The following VRTN variants were observed in gnomAD, a reference collection of about 807,000 sequenced individuals.
VRTN encodes the protein vertnin.
Under a neutral mutation model 18.2 loss-of-function variants are expected in VRTN, and 5 were observed. That is an observed-to-expected ratio of 0.27 (90% CI 0.14 to 0.58). The LOEUF (loss-of-function observed/expected upper bound fraction) is 0.58, where lower values mean the gene tolerates loss of function less well. VRTN is among the 20% of genes least tolerant of loss of function. The probability of loss-of-function intolerance (pLI) is 0.91; values close to 1 mark genes in which losing one functional copy is unlikely to be tolerated. For synonymous variants in VRTN, 381 were observed against 393.7 expected, an observed-to-expected ratio of 0.97 and a Z score of 0.38; for missense variants, 741 against 939.4, an observed-to-expected ratio of 0.79 and a Z score of 2.76.
intron 2 of VRTN, among the ~76,000 whole-genome samples, chr14:74,338,682 G>A (rs1230241026): frequency 6.6e-6 from 1 of 152,124 alleles, no homozygotes; most frequent in African/African-American, 2.4e-5. Flanking sequence ...AGCCTCCTGA[G>A]TAGCTGGGAC....
intron 1 of VRTN, among the ~76,000 whole-genome samples, chr14:74,335,807 C>G (rs2085560094): frequency 6.8e-6 from 1 of 147,246 alleles, no homozygotes; most frequent in Admixed American, 7.0e-5. Flanking sequence ...GTGGTATGGT[C>G]TCGGCTGACT....
chr14:74,310,578 C>T (rs2085381925), intron 1 of VRTN, among the ~76,000 whole-genome samples: 1 of 146,308 alleles, frequency 6.8e-6, no homozygotes, highest in African/African-American at 2.5e-5. Flanking sequence ...TGCTCTGTCA[C>T]CCAGGCTGGA....
At chr14:74,304,826 A>T (rs1288860887) in intron 1 of VRTN, among the ~76,000 whole-genome samples, 1 of 152,218 alleles carries the variant, frequency 6.6e-6, no homozygotes, top group Non-Finnish European at 1.5e-5. Flanking sequence ...TTATTCAAGT[A>T]TGTCTTTCTT....
chr14:74,330,139 T>C (rs1224435106), intron 1 of VRTN, among the ~76,000 whole-genome samples: 4 of 151,734 alleles, frequency 2.6e-5, no homozygotes, highest in African/African-American at 9.7e-5. Context: ...CCTCCCAGAG[T>C]GCTAGGATTA....
In VRTN at chr14:74,320,463, C is replaced by T. The variant is rs1418679187; in HGVS notation, c.-163-17260C>T. ...ATTTTTAGTAGAGACGGGGTTTTAC[C>T]ATGTTAGCCAGGATGGTCTCGATCT... is the stretch of plus-strand genomic sequence containing the variant. On this transcript the variant is annotated intron_variant, in intron 1 of 2. Transcript: ENST00000557177. 7.4e-5 allele frequency among the ~76,000 whole-genome samples: 11 copies of T among 147,944 alleles called. No individual in the cohort carries two copies. The South Asian group carries it at 1.3e-3, about 17-fold the overall frequency.
chr14:74,319,589 A>G (rs1028158960), intron 1 of VRTN, among the ~76,000 whole-genome samples: 3 of 152,198 alleles, frequency 2.0e-5, no homozygotes, highest in Non-Finnish European at 4.4e-5. Context: ...ATGTGTGAGG[A>G]ACAGGTGGTA....
chr14:74,323,217 G>A (rs2085467170), intron 1 of VRTN, among the ~76,000 whole-genome samples: 1 of 152,178 alleles, frequency 6.6e-6, no homozygotes, highest in Non-Finnish European at 1.5e-5. Flanking sequence ...AGAGACAAAA[G>A]TGCTCTCAAA....
chr14:74,313,502 C>T (rs1739099531), intron 1 of VRTN, among the ~76,000 whole-genome samples: 1 of 152,170 alleles, frequency 6.6e-6, no homozygotes, highest in South Asian at 2.1e-4. Context: ...TGCAGTGTAG[C>T]TGGTTCAAAG....
At chr14:74,310,351 C>T (rs1384339344) in intron 1 of VRTN, among the ~76,000 whole-genome samples, 19 of 147,406 alleles carry the variant, frequency 1.3e-4, no homozygotes, top group African/African-American at 3.5e-4. Context: ...GAGCCGAGAT[C>T]GCGCCATTGC....
intron 2 of VRTN, among the ~76,000 whole-genome samples, chr14:74,342,933 T>C (rs1201672874): frequency 6.6e-6 from 1 of 151,982 alleles, no homozygotes; most frequent in Non-Finnish European, 1.5e-5. Flanking sequence ...CTCTTACATA[T>C]ATGAAAAATG....
At chr14:74,330,028 T>C (rs1009275953) in intron 1 of VRTN, among the ~76,000 whole-genome samples, 3 of 151,910 alleles carry the variant, frequency 2.0e-5, no homozygotes, top group Non-Finnish European at 4.4e-5. Context: ...CGTGTCACCA[T>C]GCCCGGCTAG....
At position 74,357,557 on chromosome 14, in the gene VRTN, T is replaced by A; in HGVS notation, c.774T>A (p.Leu258=). The A allele has an allele frequency of 6.2e-7, 1 of 1,613,736 alleles. No individual in the cohort carries two copies. Among genetic ancestry groups the A allele is most frequent in the Non-Finnish European group, 8.5e-7 (1 of 1,179,964 alleles). The stretch of plus-strand genomic sequence containing the variant: ...GTGCCCCTGGCGTGGCCCCAGCTCT[T>A]CCAGCCCTGGCCCCACTCTCATCGC... ...AEGAPGVAPA[L]PALAPLSSPA... is the part of the protein sequence containing the mutation. The change falls in exon 2 of 2, where the codon CTT becomes CTA. Residue 258 remains leucine (L), a synonymous_variant. Coordinates refer to ENST00000256362, the MANE Select transcript of VRTN (RefSeq NM_018228.3). This position sits in a 1 kb window ranked among gnomAD's most constrained non-coding sequence, Gnocchi z 7.8.
At chr14:74,347,500 A>G (rs1254560454), upstream of VRTN, among the ~76,000 whole-genome samples, 1 of 152,230 alleles carries the variant, frequency 6.6e-6, no homozygotes, top group Non-Finnish European at 1.5e-5. Flanking sequence ...CTGGAGCATA[A>G]TGGATGCATG....
chr14:74,334,526 T>C (rs1347738116), intron 1 of VRTN, among the ~76,000 whole-genome samples: 2 of 152,180 alleles, frequency 1.3e-5, no homozygotes, highest in Non-Finnish European at 2.9e-5. Context: ...CAAGACTCCA[T>C]GTCAAACAAA....
intron 1 of VRTN, among the ~76,000 whole-genome samples, chr14:74,304,451 C>T (rs1172367201): frequency 1.3e-5 from 2 of 152,144 alleles, no homozygotes; most frequent in Admixed American, 6.6e-5. Context: ...TCACCGTGCC[C>T]GGCCTACAGC....
At chr14:74,311,050 C>T (rs1032848988) in intron 1 of VRTN, among the ~76,000 whole-genome samples, 1 of 151,934 alleles carries the variant, frequency 6.6e-6, no homozygotes, top group African/African-American at 2.4e-5. Flanking sequence ...AGGGTTGTTT[C>T]GAGGAATAAA....
intron 1 of VRTN, among the ~76,000 whole-genome samples, chr14:74,311,233 A>G (rs1232752024): frequency 2.0e-5 from 3 of 152,192 alleles, no homozygotes; most frequent in African/African-American, 7.2e-5. Context: ...AAAAGATGAT[A>G]GGGCATATAA....
intron 1 of VRTN, among the ~76,000 whole-genome samples, chr14:74,337,169 C>T (rs953785596): frequency 2.0e-5 from 3 of 151,894 alleles, no homozygotes; most frequent in Non-Finnish European, 2.9e-5. Flanking sequence ...ATGGTGAAAC[C>T]CAGTCTCTAC....
chr14:74,322,504 A>G (rs867470451), intron 1 of VRTN, among the ~76,000 whole-genome samples: 9 of 152,102 alleles, frequency 5.9e-5, no homozygotes, highest in African/African-American at 1.9e-4. Flanking sequence ...ATTTATATCT[A>G]TTATCGTTTG....
Sources: gnomAD v4.1 joint callset for allele counts (sites outside exome capture counted in the v4.1 genomes callset) on GRCh38, gnomAD v4.1.1 for gene constraint, Gnocchi (gnomAD v3.1) non-coding constraint, MANE v1.5 for transcripts, NCBI Gene and HGNC (gene_info 2026-07-23, HGNC 2026-07-21) for gene names.